TENM2: variants seen among roughly 807,000 people sequenced by gnomAD.
TENM2 encodes teneurin-2.
TENM2 carries 52 observed loss-of-function variants against 245.2 expected under a neutral mutation model. The observed-to-expected ratio is 0.21, with a 90% CI of 0.17 to 0.27. The LOEUF (loss-of-function observed/expected upper bound fraction) is 0.27. TENM2 is among the 10% of genes least tolerant of loss of function. TENM2 has a pLI of 1.00. For missense variants in TENM2, 3,046 were observed against 3,666.8 expected (o/e 0.83, Z 4.37); for synonymous variants, 1,363 against 1,438.9 (o/e 0.95, Z 1.19).
At chr5:167,235,934 T>C in the TENM2 span, among the ~76,000 whole-genome samples, 1 of 152,304 alleles carries the variant, frequency 6.6e-6, no homozygotes, top group East Asian at 1.9e-4. Flanking sequence ...TCTTAGGGAA[T>C]TGAGTTTGCT....
At chr5:167,975,015 T>C (rs1782331059) in intron 4 of TENM2, among the ~76,000 whole-genome samples, 1 of 152,238 alleles carries the variant, frequency 6.6e-6, no homozygotes, top group Admixed American at 6.5e-5. Flanking sequence ...AAAGGCAGCC[T>C]CCCCACTACC....
chr5:168,027,253 A>G (rs1173865569), intron 5 of TENM2, among the ~76,000 whole-genome samples: 2 of 152,100 alleles, frequency 1.3e-5, no homozygotes, highest in Non-Finnish European at 2.9e-5. Flanking sequence ...GTCAACTCTG[A>G]GATCATTGGC....
At chr5:167,412,652 A>G (rs1030177909) in intron 2 of TENM2, among the ~76,000 whole-genome samples, 242 of 152,218 alleles carry the variant, frequency 1.6e-3, no homozygotes, top group Middle Eastern at 3.4e-3. Flanking sequence ...TATGGCAGGG[A>G]AAATAGAAAG....
chr5:167,712,240 A>G (rs1175975797), intron 2 of TENM2, among the ~76,000 whole-genome samples: 1 of 152,222 alleles, frequency 6.6e-6, no homozygotes, highest in Non-Finnish European at 1.5e-5. Flanking sequence ...AGTCATGAAT[A>G]TCTCTACAAA....
chr5:167,700,968 A>AAC (rs1423463457), intron 2 of TENM2, among the ~76,000 whole-genome samples: 2 of 151,482 alleles, frequency 1.3e-5, no homozygotes, highest in Non-Finnish European at 2.9e-5. Flanking sequence ...AAAAAAAAAA[A>AAC]AAAAAGCTAG....
At chr5:167,980,247 G>T (rs879826529) in intron 4 of TENM2, among the ~76,000 whole-genome samples, 4 of 152,118 alleles carry the variant, frequency 2.6e-5, no homozygotes, top group Non-Finnish European at 5.9e-5. Context: ...GAGGGAAATG[G>T]GCCTTTGTAT....
rs755568154 is a variant in TENM2, at chr5:168,247,273, C to G, written c.6334C>G (p.Leu2112Val). 5 of 1,614,012 alleles carry G rather than the reference C, an allele frequency of 3.1e-6. No individual in the cohort carries two copies. In the Admixed American group the frequency reaches 6.7e-5, roughly 22 times the overall value. The change falls in exon 27 of 29, where the codon CTC (leucine) becomes GTC (valine). Residue 2112 changes from leucine (L) to valine (V), a missense_variant. Physicochemically the swap from Leu to Val is conservative, Grantham distance 32 (BLOSUM62 1). Transcript: ENST00000518659. The surrounding 1 kb of genome is among the most constrained non-coding windows in gnomAD (Gnocchi z 7.8). ...CAAGCCCGTCATAAGTGAGACTCCC[C>G]TCCCCGTTGACCTCTACCGCTATGA... is the stretch of plus-strand genomic sequence containing the variant.
At chr5:167,099,110 A>G in the TENM2 span, among the ~76,000 whole-genome samples, 3 of 152,200 alleles carry the variant, frequency 2.0e-5, no homozygotes, top group Non-Finnish European at 4.4e-5. Flanking sequence ...AGCCTGACCA[A>G]CTAGCCTTGT....
At chr5:167,046,118 C>G in the TENM2 span, among the ~76,000 whole-genome samples, 1 of 151,986 alleles carries the variant, frequency 6.6e-6, no homozygotes, top group Admixed American at 6.6e-5. Context: ...AAGAAGTTAA[C>G]AAATTAAGAA....
intron 2 of TENM2, among the ~76,000 whole-genome samples, chr5:167,552,947 GAAT>G (rs1773052229): frequency 6.6e-6 from 1 of 151,412 alleles, no homozygotes; most frequent in African/African-American, 2.4e-5. Flanking sequence ...ATGAATGAAT[GAAT>G]AAGTGAGACA....
intron 6 of TENM2, among the ~76,000 whole-genome samples, chr5:168,056,490 A>T (rs148385141): frequency 7.4e-4 from 112 of 152,366 alleles, no homozygotes; most frequent in Middle Eastern, 3.4e-3. Flanking sequence ...TGTTTCAGCC[A>T]ATGATTGGCC....
At chr5:168,155,028 C>T (rs1371969623) in intron 12 of TENM2, among the ~76,000 whole-genome samples, 4 of 152,198 alleles carry the variant, frequency 2.6e-5, no homozygotes, top group East Asian at 1.9e-4. Context: ...AGCTCCCTCC[C>T]GCACACACGG....
the TENM2 span, among the ~76,000 whole-genome samples, chr5:167,038,055 A>G: frequency 6.6e-6 from 1 of 152,250 alleles, no homozygotes; most frequent in Non-Finnish European, 1.5e-5. Flanking sequence ...CAGAACAGGT[A>G]CAGGAGAAAG....
intron 2 of TENM2, among the ~76,000 whole-genome samples, chr5:167,493,764 C>T (rs186183613): frequency 5.9e-5 from 9 of 151,966 alleles, no homozygotes; most frequent in Admixed American, 1.3e-4. Flanking sequence ...CTCATTTATT[C>T]GGCATATATG....
In TENM2 at chr5:168,001,698, C is replaced by T. The variant is rs74331791; in HGVS notation, c.1186+8516C>T. Among the ~76,000 whole-genome samples, 821 of 152,198 alleles carry T rather than the reference C, an allele frequency of 5.4e-3. 4 individuals are homozygous for T. The highest frequency in any genetic ancestry group is 8.6e-3 in the Non-Finnish European group (582 of 67,992). The stretch of plus-strand genomic sequence containing the variant: ...ACCTAAAACCAGACTTTTTTGTGTC[C>T]CACATTGAAAATTCTTTTATAGAAA... On this transcript the variant is annotated intron_variant, in intron 5 of 28. Transcript: ENST00000518659.
rs111265196 is a variant in TENM2 at position 167,840,251 on chromosome 5, T to G, written c.503-35735T>G. ...ATAAAATTTTAACTTTGACAGAGAC[T>G]TCAGAGCCAAAAAAGCAGAGCTTGG... On this transcript the variant is annotated intron_variant, in intron 2 of 28. Coordinates refer to ENST00000518659, the Ensembl canonical transcript of TENM2. Among the ~76,000 whole-genome samples, 670 of 152,330 alleles carry G rather than the reference T, an allele frequency of 4.4e-3. 6 individuals are homozygous for G. Among genetic ancestry groups the G allele is most frequent in the African/African-American group, 0.015 (642 of 41,582 alleles).
intron 2 of TENM2, among the ~76,000 whole-genome samples, chr5:167,610,426 C>T (rs1374700703): frequency 6.6e-6 from 1 of 152,098 alleles, no homozygotes; most frequent in Non-Finnish European, 1.5e-5. Context: ...AGTCTCAACC[C>T]TCTAATCATG....
intron 2 of TENM2, among the ~76,000 whole-genome samples, chr5:167,679,930 C>T (rs1756588243): frequency 6.6e-6 from 1 of 152,102 alleles, no homozygotes; most frequent in South Asian, 2.1e-4. Context: ...TTTTCATTGG[C>T]CAAGATAACC....
intron 2 of TENM2, among the ~76,000 whole-genome samples, chr5:167,624,644 C>G (rs969443323): frequency 6.6e-6 from 1 of 152,130 alleles, no homozygotes; most frequent in Non-Finnish European, 1.5e-5. Context: ...TCTTATCCTC[C>G]CAAAGACAAA....
Sources: allele counts gnomAD v4.1 joint callset (sites outside exome capture counted in the v4.1 genomes callset), GRCh38; gene constraint gnomAD v4.1.1; non-coding constraint Gnocchi (gnomAD v3.1); transcripts MANE v1.5; gene names NCBI Gene and HGNC (gene_info 2026-07-23, HGNC 2026-07-21).